Variants in CACNA2D4 observed in about 807,000 individuals in gnomAD.
The protein encoded by CACNA2D4 is calcium voltage-gated channel auxiliary subunit alpha2delta 4, also known as voltage-dependent calcium channel subunit alpha-2/delta-4.
Under a neutral mutation model 163.8 loss-of-function variants are expected in CACNA2D4, and 157 were observed. The ratio of observed to expected loss-of-function variants is 0.96; its 90% CI spans 0.84 to 1.09. The LOEUF (loss-of-function observed/expected upper bound fraction) is 1.09. Among genes scored for constraint, CACNA2D4 ranks in the 50% least tolerant of loss-of-function variants. The pLI is 0.00. For synonymous variants in CACNA2D4, 598 were observed against 586.9 expected (o/e 1.02, Z -0.27); for missense variants, 1,410 against 1,479.9 (o/e 0.95, Z 0.78).
At chr12:1,839,252 G>T (rs1205883332) in intron 26 of CACNA2D4, among the ~76,000 whole-genome samples, 1 of 152,256 alleles carries the variant, frequency 6.6e-6, no homozygotes, top group East Asian at 1.9e-4. Context: ...CGTTCACGGA[G>T]CCAGGATGGC....
intron 18 of CACNA2D4, 88 bp from the exon 19 acceptor site, chr12:1,860,294 T>A: frequency 6.4e-6 from 6 of 943,330 alleles, no homozygotes; most frequent in Non-Finnish European, 1.0e-5. Flanking sequence ...GGGGTCTTCA[T>A]CGTCACTGTA....
chr12:1,805,954 C>T lies in CACNA2D4; in HGVS notation c.2722-4310G>A, dbSNP rs185014462. ...AAACAGGAGCCGAGGCCCAGAAAGGCATGCCTGATGCCCCCTGACGACAGA... is the reference window on the plus strand; with the variant it reads ...AAACAGGAGCCGAGGCCCAGAAAGGTATGCCTGATGCCCCCTGACGACAGA... On this transcript the variant is annotated intron_variant, in intron 29 of 37. Coordinates refer to ENST00000382722, the MANE Select transcript of CACNA2D4 (RefSeq NM_172364.5). Among the ~76,000 whole-genome samples the T allele has an allele frequency of 3.3e-5, 5 of 152,332 alleles. No individual in the cohort carries two copies. In the East Asian group the frequency reaches 9.7e-4, roughly 29 times the overall value.
At position 1,799,552 on chromosome 12, in the gene CACNA2D4, C is replaced by T. The variant is rs1863239941; in HGVS notation, c.2995+123G>A. 4 of 1,042,274 alleles carry T rather than the reference C, an allele frequency of 3.8e-6. No individual in the cohort carries two copies. The highest frequency in any genetic ancestry group is 5.7e-6 in the Non-Finnish European group (4 of 697,372). 64.6% of individuals were successfully genotyped at this position (1,042,274 alleles called of 1,614,324 possible). On this transcript the variant is annotated intron_variant, in intron 34 of 37. Coordinates refer to ENST00000382722, the MANE Select transcript of CACNA2D4 (RefSeq NM_172364.5). This position sits in a 1 kb window ranked among gnomAD's most constrained non-coding sequence, Gnocchi z 4.7. ...CAACCCCCAGGAATGGTACTTTAAA[C>T]CAGGAGAGCTCAGCCCTGCTTGGGG...
At chr12:1,845,518 C>T (rs970143919) in intron 24 of CACNA2D4, among the ~76,000 whole-genome samples, 9 of 152,172 alleles carry the variant, frequency 5.9e-5, no homozygotes, top group Non-Finnish European at 1.5e-5. Context: ...AGATGGCGCT[C>T]CGTGGCTGGG....
In CACNA2D4 at chr12:1,798,387, T is replaced by C. The variant is rs550147322; in HGVS notation, c.2996-852A>G. ...GCTACCTTCCCAGGCTCATGCAGAG[T>C]CCTACAGGAGAGCATGGGTCTCCCC... On this transcript the variant is annotated intron_variant, in intron 34 of 37. Transcript: ENST00000382722. The surrounding 1 kb of genome is among the most constrained non-coding windows in gnomAD (Gnocchi z 4.3). Among the ~76,000 whole-genome samples the C allele has an allele frequency of 6.3e-4, 95 of 150,216 alleles. No homozygotes were observed. The South Asian group carries it at 8.9e-3, about 14-fold the overall frequency.
chr12:1,911,537 A>T (rs1237579111), intron 3 of CACNA2D4, among the ~76,000 whole-genome samples: 1 of 152,078 alleles, frequency 6.6e-6, no homozygotes, highest in Non-Finnish European at 1.5e-5. Flanking sequence ...AGGATAAGGA[A>T]ATCCCACAGG....
At chr12:1,872,174 CAT>C (rs1865800714) in intron 18 of CACNA2D4, among the ~76,000 whole-genome samples, 1 of 152,310 alleles carries the variant, frequency 6.6e-6, no homozygotes, top group African/African-American at 2.4e-5. Context: ...ATGAGTTGCA[CAT>C]GTTTCAAACA....
intron 22 of CACNA2D4, 101 bp from the exon 23 acceptor site, chr12:1,854,145 G>A: frequency 6.4e-6 from 5 of 785,604 alleles, no homozygotes; most frequent in Admixed American, 2.9e-5. Context: ...CTTCCTGAAC[G>A]TGTCTATGGG....
At position 1,885,031 on chromosome 12, in the gene CACNA2D4, C is replaced by T. The variant is rs1244694083; in HGVS notation, c.1114G>A (p.Val372Ile). ...VEELMVKGVG[V>I]VDQALREAFQ... ...GCTTCTCTCAGGGCTTGGTCCACGA[C>T]CCCCACACCTTTGACCATCAACTCC... The change falls in exon 10 of 38, where the codon GTC (valine) becomes ATC (isoleucine). Residue 372 changes from valine (V) to isoleucine (I), a missense_variant. Transcript: ENST00000382722. 1 of 1,613,914 alleles carries T rather than the reference C, an allele frequency of 6.2e-7. No individual in the cohort carries two copies.
At chr12:1,905,687 G>A (rs1866643834) in intron 6 of CACNA2D4, among the ~76,000 whole-genome samples, 1 of 152,146 alleles carries the variant, frequency 6.6e-6, no homozygotes. Context: ...AAACACTGCT[G>A]AAAGAAATTA....
chr12:1,863,315 C>G (rs1865563956), intron 18 of CACNA2D4, among the ~76,000 whole-genome samples: 1 of 152,206 alleles, frequency 6.6e-6, no homozygotes, highest in African/African-American at 2.4e-5. Flanking sequence ...TACCACCCAG[C>G]TTGGTTATTG....
rs76291256 is a variant in CACNA2D4, at chr12:1,829,978, T to C, written c.2551+10761A>G. 2.6e-3 allele frequency among the ~76,000 whole-genome samples: 397 copies of C among 152,340 alleles called. 4 individuals carry two copies. The highest frequency in any genetic ancestry group is 9.3e-3 in the African/African-American group (385 of 41,582). Reference sequence around the variant, plus strand: ...TGCATAATGGAAGGCACTGCTCTGATGTGATTGTTCCCTGAGGGTTACTTC... The same window carrying C: ...TGCATAATGGAAGGCACTGCTCTGACGTGATTGTTCCCTGAGGGTTACTTC... On this transcript the variant is annotated intron_variant, in intron 26 of 37. Transcript: ENST00000382722. The surrounding 1 kb of genome is among the most constrained non-coding windows in gnomAD (Gnocchi z 4.2).
chr12:1,876,236 C>A (rs1476002932), intron 16 of CACNA2D4, among the ~76,000 whole-genome samples: 1 of 152,214 alleles, frequency 6.6e-6, no homozygotes, highest in Non-Finnish European at 1.5e-5. Context: ...TTTATGGCAT[C>A]TGCCTTCTGC....
intron 6 of CACNA2D4, among the ~76,000 whole-genome samples, chr12:1,900,417 G>A (rs1253271968): frequency 1.3e-5 from 2 of 152,210 alleles, no homozygotes; most frequent in African/African-American, 2.4e-5. Flanking sequence ...TTACAGGCAT[G>A]AGCCACTGCA....
Position 1,829,400 on chromosome 12 carries a change from G to A in CACNA2D4, c.2551+11339C>T, listed in dbSNP as rs1055329454. Among the ~76,000 whole-genome samples, 1 of 152,124 alleles carries A rather than the reference G, an allele frequency of 6.6e-6. No individual in the cohort carries two copies. Among genetic ancestry groups the A allele is most frequent in the African/African-American group, 2.4e-5 (1 of 41,414 alleles). ...AGCAGACGGGCTCAGAGGGGTGAGAGGGTGAGCGGAGACATGAGGTAACCC... is the reference window on the plus strand; with the variant it reads ...AGCAGACGGGCTCAGAGGGGTGAGAAGGTGAGCGGAGACATGAGGTAACCC... On this transcript the variant is annotated intron_variant, in intron 26 of 37. Transcript: ENST00000382722. This position sits in a 1 kb window ranked among gnomAD's most constrained non-coding sequence, Gnocchi z 4.2.
Position 1,875,586 on chromosome 12 carries a change from C to T in CACNA2D4, c.1720-249G>A, listed in dbSNP as rs1333018396. Among the ~76,000 whole-genome samples the T allele has an allele frequency of 7.9e-5, 12 of 152,226 alleles. No homozygotes were observed. Among genetic ancestry groups the T allele is most frequent in the Admixed American group, 2.0e-4 (3 of 15,294 alleles). On this transcript the variant is annotated intron_variant, in intron 16 of 37. Transcript: ENST00000382722. The surrounding 1 kb of genome is among the most constrained non-coding windows in gnomAD (Gnocchi z 4.0). ...CCCCATGGCAGGGAGCTCCCTATCT[C>T]GTGGGTCAGCTTGTTGGAGCTTTGG...
Position 1,853,959 on chromosome 12 carries a change from G to A in CACNA2D4, c.2238C>T (p.Asn746=). 1 of 1,613,076 alleles carries A rather than the reference G, an allele frequency of 6.2e-7. No homozygotes were observed. Among genetic ancestry groups the A allele is most frequent in the East Asian group, 2.2e-5 (1 of 44,856 alleles). Residue 746 remains asparagine (N), a synonymous_variant, in exon 23 of 38, where the codon AAC becomes AAT. Transcript: ENST00000382722. The part of the protein sequence containing the change: ...MEAYWTALAL[N]MSEESEHVVD... ...TGGGAACCTGGACCTACTCGGACAT[G>A]TTGAGGGCCAGCGCTGTCCAGTAGG...
intron 24 of CACNA2D4, among the ~76,000 whole-genome samples, chr12:1,845,471 A>T (rs1865124230): frequency 6.6e-6 from 1 of 152,158 alleles, no homozygotes; most frequent in African/African-American, 2.4e-5. Context: ...TTGCTTAGCA[A>T]GTGTGGATTT....
chr12:1,853,400 T>C (rs1865331129), intron 23 of CACNA2D4, among the ~76,000 whole-genome samples: 1 of 152,212 alleles, frequency 6.6e-6, no homozygotes. Flanking sequence ...TTAAATTTAT[T>C]GACTGTGTAG....
Sources: allele counts gnomAD v4.1 joint callset (sites outside exome capture counted in the v4.1 genomes callset), GRCh38; gene constraint gnomAD v4.1.1; non-coding constraint Gnocchi (gnomAD v3.1); transcripts MANE v1.5; gene names NCBI Gene and HGNC (gene_info 2026-07-23, HGNC 2026-07-21).